CLYBL: variants seen among roughly 807,000 people sequenced by gnomAD.
CLYBL encodes citramalyl-CoA lyase, mitochondrial.
Under a neutral mutation model 38.9 loss-of-function variants are expected in CLYBL, and 31 were observed. The observed-to-expected ratio is 0.80, with a 90% confidence interval of 0.60 to 1.08. The LOEUF (loss-of-function observed/expected upper bound fraction) is 1.08, where lower values mean the gene tolerates loss of function less well. CLYBL is among the 50% of genes least tolerant of loss of function. CLYBL has a pLI of 0.00. For missense variants in CLYBL, 434 were observed against 411.6 expected, an observed-to-expected ratio of 1.05 and a Z score of -0.47; for synonymous variants, 171 against 158.6, an observed-to-expected ratio of 1.08 and a Z score of -0.59.
At chr13:99,820,508 T>C (rs759421079) in intron 2 of CLYBL, among the ~76,000 whole-genome samples, 61 of 114,968 alleles carry the variant, frequency 5.3e-4, no homozygotes, top group Non-Finnish European at 8.8e-4. Context: ...AATGTCTACC[T>C]AGCTGTATTT....
chr13:99,713,369 T>G (rs1316561333), intron 1 of CLYBL, among the ~76,000 whole-genome samples: 3 of 149,616 alleles, frequency 2.0e-5, no homozygotes, highest in African/African-American at 7.4e-5. Flanking sequence ...AGACAGAGTC[T>G]TGGTCTGTCG....
chr13:99,719,609 C>T (rs1021025330), intron 1 of CLYBL, among the ~76,000 whole-genome samples: 2 of 152,006 alleles, frequency 1.3e-5, no homozygotes, highest in Non-Finnish European at 2.9e-5. Flanking sequence ...TGGGTTCAAG[C>T]GATTCTCCTG....
intron 1 of CLYBL, among the ~76,000 whole-genome samples, chr13:99,677,686 C>G (rs1035675622): frequency 7.2e-5 from 11 of 152,204 alleles, no homozygotes; most frequent in Non-Finnish European, 1.5e-4. Context: ...GGAGACAAGT[C>G]ATTGTAATTA....
intron 1 of CLYBL, among the ~76,000 whole-genome samples, chr13:99,640,400 A>G (rs966780279): frequency 1.3e-5 from 2 of 152,210 alleles, no homozygotes; most frequent in African/African-American, 4.8e-5. Flanking sequence ...GTTGTATCAG[A>G]TATCCTTTTG....
intron 2 of CLYBL, among the ~76,000 whole-genome samples, chr13:99,822,568 T>C (rs1325575472): frequency 6.6e-6 from 1 of 152,196 alleles, no homozygotes; most frequent in Admixed American, 6.5e-5. Context: ...AGTCTAGCCA[T>C]TTCTTTGGTG....
rs1394241322 is a variant in CLYBL, at chr13:99,865,986, G to C, written c.635-254G>C. On this transcript the variant is annotated intron_variant, in intron 5 of 8. Transcript: ENST00000339105. The surrounding 1 kb of genome is among the most constrained non-coding windows in gnomAD (Gnocchi z 4.7). Reference sequence around the variant, plus strand: ...GACCCTGACCCAGCCTCCCAGAATGGGGAAGGGGCCTTCTCTTAATGCAGG... The same window carrying C: ...GACCCTGACCCAGCCTCCCAGAATGCGGAAGGGGCCTTCTCTTAATGCAGG... Among the ~76,000 whole-genome samples the C allele has an allele frequency of 2.0e-5, 3 of 152,140 alleles. No homozygotes were observed. The highest frequency in any genetic ancestry group is 2.9e-5 in the Non-Finnish European group (2 of 68,010).
intron 1 of CLYBL, among the ~76,000 whole-genome samples, chr13:99,608,736 T>G (rs1047733041): frequency 2.0e-5 from 3 of 152,082 alleles, no homozygotes; most frequent in Non-Finnish European, 4.4e-5. Context: ...TGATTGGCAT[T>G]TTTTTTCCTT....
At chr13:99,624,459 G>T (rs566285604) in intron 1 of CLYBL, among the ~76,000 whole-genome samples, 104 of 152,360 alleles carry the variant, frequency 6.8e-4, no homozygotes, top group Non-Finnish European at 8.5e-4. Context: ...AAACATTCCT[G>T]CTAATTTTAA....
intron 2 of CLYBL, among the ~76,000 whole-genome samples, chr13:99,795,817 G>A (rs187058181): frequency 6.6e-6 from 1 of 152,264 alleles, no homozygotes; most frequent in Admixed American, 6.5e-5. Flanking sequence ...GAGCCTCCAG[G>A]GGTAGAAGAA....
chr13:99,801,716 A>C, intron 2 of CLYBL, among the ~76,000 whole-genome samples: 1 of 152,186 alleles, frequency 6.6e-6, no homozygotes, highest in East Asian at 1.9e-4. Context: ...GTTGATAGAA[A>C]CACCTAGTAA....
intron 2 of CLYBL, among the ~76,000 whole-genome samples, chr13:99,800,217 T>C (rs1442979099): frequency 6.6e-6 from 1 of 152,202 alleles, no homozygotes; most frequent in Admixed American, 6.5e-5. Flanking sequence ...AACCAGTCAG[T>C]GCACTGCATT....
At chr13:99,617,030 T>C (rs952974471) in intron 1 of CLYBL, among the ~76,000 whole-genome samples, 1 of 152,094 alleles carries the variant, frequency 6.6e-6, no homozygotes, top group Non-Finnish European at 1.5e-5. Context: ...GGTTTCTATT[T>C]TAATAGAATA....
intron 1 of CLYBL, among the ~76,000 whole-genome samples, chr13:99,702,558 G>C (rs192099726): frequency 1.3e-5 from 2 of 151,890 alleles, no homozygotes; most frequent in East Asian, 3.9e-4. Flanking sequence ...CTTGAACCTG[G>C]GAGGCGGAGG....
chr13:99,613,257 G>A (rs1179533448), intron 1 of CLYBL, among the ~76,000 whole-genome samples: 2 of 152,126 alleles, frequency 1.3e-5, no homozygotes, highest in African/African-American at 4.8e-5. Context: ...AATGTGCCAG[G>A]AAGGTACTTC....
chr13:99,747,924 AT>A (rs1409356641), intron 1 of CLYBL, among the ~76,000 whole-genome samples: 1 of 152,120 alleles, frequency 6.6e-6, no homozygotes, highest in Non-Finnish European at 1.5e-5. Flanking sequence ...GGGTAATTTT[AT>A]TTTTTTAATT....
intron 2 of CLYBL, among the ~76,000 whole-genome samples, chr13:99,818,218 C>T (rs769026162): frequency 1.3e-5 from 2 of 152,128 alleles, no homozygotes; most frequent in Non-Finnish European, 2.9e-5. Flanking sequence ...GATCTACTTC[C>T]ACCCCTCCTC....
At chr13:99,700,933 T>A (rs142171345) in intron 1 of CLYBL, among the ~76,000 whole-genome samples, 2 of 152,380 alleles carry the variant, frequency 1.3e-5, no homozygotes, top group African/African-American at 4.8e-5. Context: ...CCTCTCTGAT[T>A]GTCAAGATTT....
intron 2 of CLYBL, among the ~76,000 whole-genome samples, chr13:99,824,143 C>T (rs989759930): frequency 4.6e-5 from 7 of 152,200 alleles, no homozygotes; most frequent in African/African-American, 1.7e-4. Context: ...CGTCAGGTTG[C>T]TGGTGGCTTG....
intron 2 of CLYBL, among the ~76,000 whole-genome samples, chr13:99,784,778 G>C (rs924998660): frequency 4.6e-5 from 7 of 152,064 alleles, no homozygotes; most frequent in Non-Finnish European, 7.4e-5. Context: ...ATTTTACTGA[G>C]CCCAAAAATG....
Sources: gnomAD v4.1 joint callset for allele counts (sites outside exome capture counted in the v4.1 genomes callset) on GRCh38, gnomAD v4.1.1 for gene constraint, Gnocchi (gnomAD v3.1) non-coding constraint, MANE v1.5 for transcripts, NCBI Gene and HGNC (gene_info 2026-07-23, HGNC 2026-07-21) for gene names.